The following SEC22A variants were observed in gnomAD, a reference collection of about 807,000 sequenced individuals.
SEC22A encodes SEC22 homolog A, vesicle trafficking protein, also known as vesicle-trafficking protein SEC22a.
In SEC22A, 22 loss-of-function variants were observed where a neutral mutation model predicts 35.3. That is an observed-to-expected ratio of 0.62 (90% CI 0.45 to 0.89). The LOEUF is 0.89. SEC22A is among the 40% of genes least tolerant of loss of function. SEC22A has a pLI of 0.00. For missense variants in SEC22A, 354 were observed against 362.5 expected, an observed-to-expected ratio of 0.98 and a Z score of 0.19; for synonymous variants, 119 against 129.5, an observed-to-expected ratio of 0.92 and a Z score of 0.55.
intron 4 of SEC22A, among the ~76,000 whole-genome samples, chr3:123,235,068 A>C (rs185735858): frequency 1.6e-3 from 239 of 151,878 alleles, no homozygotes; most frequent in African/African-American, 5.6e-3. Context: ...AAAGCTAAAA[A>C]CTTTTTTGGA....
At position 123,259,536 on chromosome 3, in the gene SEC22A, G is replaced by T; in HGVS notation, c.670G>T (p.Asp224Tyr). 1 of 1,612,692 alleles carries T rather than the reference G, an allele frequency of 6.2e-7. No homozygotes were observed. The highest frequency in any genetic ancestry group is 1.3e-5 in the African/African-American group (1 of 75,004). ...TTTGCTTTTGCAGAGTGATGGTGATGATTTTAATTACATCATTGCATTTTT... is the reference window on the plus strand; with the variant it reads ...TTTGCTTTTGCAGAGTGATGGTGATTATTTTAATTACATCATTGCATTTTT... ...IESLLQSDGD[D>Y]FNYIIAFFLG... The change falls in exon 6 of 7, where the codon GAT becomes TAT. Residue 224 changes from aspartate (D) to tyrosine (Y), a missense_variant. By Grantham distance (160) the Asp-to-Tyr change is radical (BLOSUM62 -3). Transcript: ENST00000492595.
intron 6 of SEC22A, among the ~76,000 whole-genome samples, chr3:123,260,846 T>C (rs980005505): frequency 1.3e-5 from 2 of 150,772 alleles, no homozygotes; most frequent in African/African-American, 4.9e-5. Context: ...TTTCTTTTTT[T>C]TTTTTTTTTG....
At chr3:123,226,239 A>G (rs1290545732) in intron 4 of SEC22A, among the ~76,000 whole-genome samples, 1 of 152,122 alleles carries the variant, frequency 6.6e-6, no homozygotes, top group Non-Finnish European at 1.5e-5. Context: ...GGATTATATG[A>G]TAGTTCTCTT....
At chr3:123,261,620 C>G (rs1476369095) in intron 6 of SEC22A, among the ~76,000 whole-genome samples, 2 of 152,198 alleles carry the variant, frequency 1.3e-5, no homozygotes, top group East Asian at 1.9e-4. Flanking sequence ...TTATAAAATA[C>G]AAGTTTTGGT....
At chr3:123,236,272 T>C (rs985332064) in intron 4 of SEC22A, among the ~76,000 whole-genome samples, 10 of 152,182 alleles carry the variant, frequency 6.6e-5, no homozygotes, top group African/African-American at 2.4e-4. Flanking sequence ...CTAGTAGTGA[T>C]GGAGTAGGTA....
rs1243356409 is a variant in SEC22A at position 123,272,526 on chromosome 3, C to T, written c.*804C>T. 1.3e-5 allele frequency: 2 copies of T among 152,062 alleles called. No individual in the cohort carries two copies. The highest frequency in any genetic ancestry group is 2.9e-5 in the Non-Finnish European group (2 of 68,034). The allele number at this position is 152,062 out of a possible 1,614,324, so 9.4% of individuals were successfully genotyped here. On this transcript the variant is annotated 3_prime_UTR_variant, in exon 7 of 7. Transcript: ENST00000492595. ...TTTTTTAAAAAAATGAATCCTGCTC[C>T]AAGTGGAAAACCAGTATCAGTTTGC...
intron 6 of SEC22A, among the ~76,000 whole-genome samples, chr3:123,260,065 G>A (rs569776971): frequency 7.1e-6 from 1 of 140,018 alleles, no homozygotes; most frequent in Admixed American, 7.8e-5. Context: ...CCAGGAGGCA[G>A]AGGTTGCAGT....
chr3:123,251,579 C>T (rs1253871736), intron 5 of SEC22A, among the ~76,000 whole-genome samples: 1 of 149,516 alleles, frequency 6.7e-6, no homozygotes, highest in East Asian at 1.9e-4. Flanking sequence ...AGTTGAGGTT[C>T]CTGAGAGAGT....
intron 4 of SEC22A, among the ~76,000 whole-genome samples, chr3:123,230,462 T>C (rs1283326961): frequency 6.6e-6 from 1 of 152,052 alleles, no homozygotes; most frequent in Non-Finnish European, 1.5e-5. Flanking sequence ...GGTCATAATT[T>C]ATAACAATGC....
Position 123,242,897 on chromosome 3 carries a change from C to T in SEC22A, c.542-3002C>T, listed in dbSNP as rs79824327. On this transcript the variant is annotated intron_variant, in intron 4 of 6. Transcript: ENST00000492595. ...GAAGGTACTCAGAAAAATATTATTT[C>T]TCCCTCCCTTACTTTTGATCTCTTT... 5.4e-3 allele frequency among the ~76,000 whole-genome samples: 815 copies of T among 152,230 alleles called. 9 individuals carry two copies. The highest frequency in any genetic ancestry group is 6.4e-3 in the South Asian group (31 of 4,810).
At chr3:123,214,263 T>C (rs1936986786) in intron 2 of SEC22A, among the ~76,000 whole-genome samples, 2 of 152,210 alleles carry the variant, frequency 1.3e-5, no homozygotes, top group Non-Finnish European at 2.9e-5. Flanking sequence ...TTTCTTCTCC[T>C]CTGTATTGGG....
intron 5 of SEC22A, among the ~76,000 whole-genome samples, chr3:123,252,799 C>T (rs1300997219): frequency 6.6e-6 from 1 of 152,132 alleles, no homozygotes; most frequent in African/African-American, 2.4e-5. Flanking sequence ...TATTCAAATA[C>T]GTAGCACTGA....
chr3:123,262,821 G>C (rs1174184032), intron 6 of SEC22A, among the ~76,000 whole-genome samples: 1 of 152,156 alleles, frequency 6.6e-6, no homozygotes, highest in Non-Finnish European at 1.5e-5. Flanking sequence ...GTAAGTTTTA[G>C]ACATATGTGT....
intron 4 of SEC22A, among the ~76,000 whole-genome samples, chr3:123,228,609 C>T (rs1937257485): frequency 6.7e-6 from 1 of 149,686 alleles, no homozygotes; most frequent in African/African-American, 2.5e-5. Flanking sequence ...GAAAATATGA[C>T]CCACACACTG....
At chr3:123,237,761 A>G (rs1445025632) in intron 4 of SEC22A, among the ~76,000 whole-genome samples, 4 of 152,300 alleles carry the variant, frequency 2.6e-5, no homozygotes, top group Admixed American at 2.0e-4. Context: ...CCTGACTTCC[A>G]TAAGTCCCCA....
intron 4 of SEC22A, among the ~76,000 whole-genome samples, chr3:123,233,251 G>A (rs1937352773): frequency 6.6e-6 from 1 of 152,154 alleles, no homozygotes; most frequent in African/African-American, 2.4e-5. Context: ...TCTATGTTTA[G>A]ATACACAAAT....
chr3:123,217,722 G>T (rs1013285551), intron 2 of SEC22A, among the ~76,000 whole-genome samples: 3 of 152,154 alleles, frequency 2.0e-5, no homozygotes, highest in Non-Finnish European at 4.4e-5. Flanking sequence ...AAATCAGTTT[G>T]TAATACTAAA....
chr3:123,244,498 A>G (rs950276123), intron 4 of SEC22A, among the ~76,000 whole-genome samples: 7 of 152,240 alleles, frequency 4.6e-5, no homozygotes, highest in African/African-American at 1.7e-4. Context: ...AGCAATATTG[A>G]ATAGTGACAT....
chr3:123,209,966 T>A (rs1936912450), intron 2 of SEC22A, among the ~76,000 whole-genome samples: 1 of 152,180 alleles, frequency 6.6e-6, no homozygotes, highest in Non-Finnish European at 1.5e-5. Flanking sequence ...AGAAGCCCTT[T>A]TTTACATGCC....
Sources: gnomAD v4.1 joint callset for allele counts (sites outside exome capture counted in the v4.1 genomes callset) on GRCh38, gnomAD v4.1.1 for gene constraint, MANE v1.5 for transcripts, NCBI Gene and HGNC (gene_info 2026-07-23, HGNC 2026-07-21) for gene names.